The following PTPN13 variants were observed in gnomAD, a reference collection of about 807,000 sequenced individuals.
PTPN13 encodes the protein protein tyrosine phosphatase non-receptor type 13, also known as tyrosine-protein phosphatase non-receptor type 13.
PTPN13 carries 191 observed loss-of-function variants against 284.0 expected under a neutral mutation model. The observed-to-expected ratio is 0.67, with a 90% CI of 0.60 to 0.76. The LOEUF is 0.76. Among genes scored for constraint, PTPN13 ranks in the 30% least tolerant of loss-of-function variants. The pLI is 0.00. For synonymous variants in PTPN13, 986 were observed against 1,022.3 expected, an observed-to-expected ratio of 0.96 and a Z score of 0.68; for missense variants, 2,797 against 2,939.9, an observed-to-expected ratio of 0.95 and a Z score of 1.12.
chr4:86,638,290 G>A (rs1285032841), intron 2 of PTPN13, among the ~76,000 whole-genome samples: 3 of 152,094 alleles, frequency 2.0e-5, no homozygotes, highest in Admixed American at 1.3e-4. Flanking sequence ...TCCCCATCAA[G>A]CTACCAATGA....
intron 7 of PTPN13, among the ~76,000 whole-genome samples, chr4:86,715,911 A>G (rs1732959393): frequency 6.6e-6 from 1 of 152,210 alleles, no homozygotes; most frequent in Non-Finnish European, 1.5e-5. Flanking sequence ...TCTAGTCCAC[A>G]CTTGCCCCTG....
chr4:86,683,100 A>G (rs1333697624), intron 3 of PTPN13, among the ~76,000 whole-genome samples: 1 of 152,106 alleles, frequency 6.6e-6, no homozygotes, highest in East Asian at 1.9e-4. Context: ...TTTCATACTT[A>G]TATGTATTAG....
rs1282385937 is a variant in PTPN13 at position 86,686,869 on chromosome 4, A to G, written c.360+94A>G. The G allele has an allele frequency of 3.5e-6, 3 of 858,994 alleles. No individual in the cohort carries two copies. In the African/African-American group the frequency reaches 5.2e-5, roughly 15 times the overall value. 53.2% of individuals were successfully genotyped at this position (858,994 alleles called of 1,614,324 possible). ...TTCCACACGTTTATACGTGTTCTACAGCATGCTGTCAGGTGTACCAACATT... is the reference window on the plus strand; with the variant it reads ...TTCCACACGTTTATACGTGTTCTACGGCATGCTGTCAGGTGTACCAACATT... On this transcript the variant is annotated intron_variant, in intron 4 of 47. Coordinates refer to ENST00000411767, the MANE Select transcript of PTPN13 (RefSeq NM_080683.3).
chr4:86,685,906 ACAT>A (rs1398352457), intron 3 of PTPN13, among the ~76,000 whole-genome samples: 2 of 152,234 alleles, frequency 1.3e-5, no homozygotes, highest in African/African-American at 2.4e-5. Flanking sequence ...GTTTGCTGAA[ACAT>A]CATTTGTAGT....
intron 2 of PTPN13, among the ~76,000 whole-genome samples, chr4:86,656,367 C>G (rs151276818): frequency 0.047 from 7,092 of 152,266 alleles, 220 homozygotes; most frequent in African/African-American, 0.061. Context: ...CCCCATCTTT[C>G]TGGTTTTATC....
intron 9 of PTPN13, among the ~76,000 whole-genome samples, chr4:86,718,497 C>G (rs1246789222): frequency 6.8e-6 from 1 of 147,478 alleles, no homozygotes; most frequent in African/African-American, 2.5e-5. Flanking sequence ...GCTGCCCAGA[C>G]TGTAATGCAG....
At chr4:86,727,239 A>T (rs923033004) in intron 10 of PTPN13, among the ~76,000 whole-genome samples, 1 of 149,604 alleles carries the variant, frequency 6.7e-6, no homozygotes, top group African/African-American at 2.4e-5. Flanking sequence ...GGATTTTCAC[A>T]TTGATGTTCA....
chr4:86,638,827 A>C (rs1317375088), intron 2 of PTPN13, among the ~76,000 whole-genome samples: 7 of 152,160 alleles, frequency 4.6e-5, no homozygotes, highest in Admixed American at 4.6e-4. Context: ...AAAATTGACA[A>C]ATGGGATCTA....
intron 3 of PTPN13, among the ~76,000 whole-genome samples, chr4:86,672,822 A>G (rs1727858288): frequency 6.6e-6 from 1 of 152,260 alleles, no homozygotes; most frequent in Non-Finnish European, 1.5e-5. Flanking sequence ...AGGAAGATAT[A>G]GAAATAACTG....
intron 6 of PTPN13, 71 bp from the exon 7 acceptor site, chr4:86,701,170 C>T (rs749920148): frequency 1.9e-4 from 222 of 1,195,666 alleles, no homozygotes; most frequent in Non-Finnish European, 2.3e-4. Context: ...CTTTCATTGT[C>T]AATAGTGGAT....
chr4:86,723,846 G>A (rs1159984142), intron 10 of PTPN13, among the ~76,000 whole-genome samples: 1 of 152,110 alleles, frequency 6.6e-6, no homozygotes, highest in Non-Finnish European at 1.5e-5. Flanking sequence ...AATCTAGAAT[G>A]ATTTTTTTCT....
intron 16 of PTPN13, among the ~76,000 whole-genome samples, chr4:86,743,239 C>T (rs1736354970): frequency 6.6e-6 from 1 of 152,164 alleles, no homozygotes; most frequent in Admixed American, 6.6e-5. Context: ...ATCATCTATA[C>T]TATCACTTTT....
At chr4:86,761,139 AAT>A (rs6148556) in intron 23 of PTPN13, among the ~76,000 whole-genome samples, 3,090 of 120,546 alleles carry the variant, frequency 0.026, 63 homozygotes, top group East Asian at 0.053. Flanking sequence ...TGTGTGTGTA[AAT>A]ATATATATAT....
chr4:86,617,310 C>T (rs1236997876), intron 1 of PTPN13, among the ~76,000 whole-genome samples: 3 of 152,142 alleles, frequency 2.0e-5, no homozygotes, highest in Non-Finnish European at 2.9e-5. Flanking sequence ...TGTCTACAGA[C>T]GGTCCTCGAC....
intron 1 of PTPN13, among the ~76,000 whole-genome samples, chr4:86,621,713 CAT>C (rs1161293972): frequency 6.6e-6 from 1 of 152,148 alleles, no homozygotes; most frequent in Non-Finnish European, 1.5e-5. Context: ...CTTTTTTAAA[CAT>C]AACATAGCTG....
At chr4:86,755,982 C>T (rs965085786) in intron 20 of PTPN13, among the ~76,000 whole-genome samples, 11 of 151,510 alleles carry the variant, frequency 7.3e-5, no homozygotes, top group African/African-American at 1.5e-4. Flanking sequence ...CATTTTATTC[C>T]GTCTTTACTG....
chr4:86,749,310 TTCATCATCATCATCATCATCATCATCA>T (rs748716956), intron 17 of PTPN13, among the ~76,000 whole-genome samples: 1 of 151,132 alleles, frequency 6.6e-6, no homozygotes, highest in Non-Finnish European at 1.5e-5. Flanking sequence ...TTTCTTCATC[TTCATCATCATCATCATCATCATCATCA>T]TCACCTGGCA....
intron 7 of PTPN13, among the ~76,000 whole-genome samples, chr4:86,706,464 T>G (rs1294518263): frequency 6.6e-6 from 1 of 152,204 alleles, no homozygotes; most frequent in African/African-American, 2.4e-5. Flanking sequence ...TGAGGCACTT[T>G]TGGTTTTTTC....
chr4:86,660,290 A>T lies in PTPN13; in HGVS notation c.116-12075A>T, dbSNP rs75409557. ...TTTTTAGCAATAATCACAAAATAAA[A>T]AAGAAAGTGTAAAACTTCCCATCTG... On this transcript the variant is annotated intron_variant, in intron 2 of 47. Transcript: ENST00000411767. 4.9e-3 allele frequency among the ~76,000 whole-genome samples: 749 copies of T among 152,308 alleles called. 10 individuals are homozygous for T. The highest frequency in any genetic ancestry group is 0.017 in the African/African-American group (702 of 41,570).
Sources: allele counts gnomAD v4.1 joint callset (sites outside exome capture counted in the v4.1 genomes callset), GRCh38; gene constraint gnomAD v4.1.1; transcripts MANE v1.5; gene names NCBI Gene and HGNC (gene_info 2026-07-23, HGNC 2026-07-21).